Variants in ARHGAP15 observed in about 807,000 individuals in gnomAD.
The protein encoded by ARHGAP15 is rho GTPase-activating protein 15.
Under a neutral mutation model 63.7 loss-of-function variants are expected in ARHGAP15, and 51 were observed. The ratio of observed to expected loss-of-function variants is 0.80; its 90% CI spans 0.64 to 1.01. The LOEUF (loss-of-function observed/expected upper bound fraction) is 1.01, where lower values mean the gene tolerates loss of function less well. Ranked by LOEUF, ARHGAP15 falls within the 50% of genes least tolerant of loss-of-function variation. The probability of loss-of-function intolerance (pLI) is 0.00; values close to 1 mark genes in which losing one functional copy is unlikely to be tolerated. For synonymous variants in ARHGAP15, 191 were observed against 193.8 expected, an observed-to-expected ratio of 0.99 and a Z score of 0.12; for missense variants, 560 against 564.6, an observed-to-expected ratio of 0.99 and a Z score of 0.08.
At chr2:143,167,594 C>T (rs1690595905) in intron 2 of ARHGAP15, among the ~76,000 whole-genome samples, 1 of 152,110 alleles carries the variant, frequency 6.6e-6, no homozygotes, top group African/African-American at 2.4e-5. Flanking sequence ...CATCTGACTG[C>T]TTTGATGAAA....
chr2:143,679,091 T>C (rs1001535242), intron 12 of ARHGAP15, among the ~76,000 whole-genome samples: 3 of 151,984 alleles, frequency 2.0e-5, no homozygotes, highest in African/African-American at 7.3e-5. Flanking sequence ...AAGTCAATCA[T>C]AAATGCTATC....
chr2:143,587,378 A>AT (rs35758428), intron 11 of ARHGAP15, among the ~76,000 whole-genome samples: 7,369 of 152,118 alleles, frequency 0.048, 305 homozygotes, highest in Non-Finnish European at 0.069. Context: ...GAAGGGTTGT[A>AT]TTGTTAGTGT....
chr2:143,667,121 G>A (rs1375741286), intron 12 of ARHGAP15, among the ~76,000 whole-genome samples: 16 of 150,842 alleles, frequency 1.1e-4, no homozygotes, highest in Middle Eastern at 3.4e-3. Flanking sequence ...ACATGCACAC[G>A]TATGTTTATT....
intron 12 of ARHGAP15, among the ~76,000 whole-genome samples, chr2:143,633,980 T>A (rs1329040617): frequency 5.9e-5 from 9 of 152,088 alleles, no homozygotes; most frequent in Non-Finnish European, 1.5e-5. Context: ...TTCATTTTTT[T>A]CTCTACCCAA....
chr2:143,381,856 A>G (rs888949256), intron 6 of ARHGAP15, among the ~76,000 whole-genome samples: 1 of 152,122 alleles, frequency 6.6e-6, no homozygotes, highest in Non-Finnish European at 1.5e-5. Context: ...ATTTTTTAAA[A>G]AAAGCATAAA....
chr2:143,247,113 A>T (rs879498199), intron 5 of ARHGAP15, among the ~76,000 whole-genome samples: 2 of 152,182 alleles, frequency 1.3e-5, no homozygotes, highest in Non-Finnish European at 2.9e-5. Context: ...TAACCTGGAG[A>T]TTCGTTCCTT....
At chr2:143,386,431 C>T (rs1219937810) in intron 6 of ARHGAP15, among the ~76,000 whole-genome samples, 7 of 152,028 alleles carry the variant, frequency 4.6e-5, no homozygotes, top group Non-Finnish European at 1.0e-4. Flanking sequence ...AACGAGAAAG[C>T]ACAACTTGTC....
At chr2:143,374,809 A>G (rs994987460) in intron 6 of ARHGAP15, among the ~76,000 whole-genome samples, 7 of 151,998 alleles carry the variant, frequency 4.6e-5, no homozygotes, top group African/African-American at 1.7e-4. Context: ...GGCCATAGGT[A>G]CTTCTGGAAA....
At chr2:143,507,564 A>C (rs1486377957) in intron 9 of ARHGAP15, among the ~76,000 whole-genome samples, 1 of 152,220 alleles carries the variant, frequency 6.6e-6, no homozygotes, top group Non-Finnish European at 1.5e-5. Context: ...TTAAACATTC[A>C]GAGTTGAAAT....
At chr2:143,257,701 G>A (rs185093020) in intron 6 of ARHGAP15, among the ~76,000 whole-genome samples, 12 of 152,164 alleles carry the variant, frequency 7.9e-5, no homozygotes, top group Non-Finnish European at 8.8e-5. Flanking sequence ...GGCTTGCAAC[G>A]CACTTTCTCT....
chr2:143,310,791 G>A (rs920876534), intron 6 of ARHGAP15, among the ~76,000 whole-genome samples: 3 of 151,888 alleles, frequency 2.0e-5, no homozygotes, highest in African/African-American at 7.2e-5. Flanking sequence ...AAACTTTGAT[G>A]TACTGTATAA....
chr2:143,231,706 A>G (rs555307880), intron 5 of ARHGAP15, among the ~76,000 whole-genome samples: 5 of 152,322 alleles, frequency 3.3e-5, no homozygotes, highest in African/African-American at 9.6e-5. Flanking sequence ...CAAAGTACCA[A>G]TGGCTGGGTG....
At chr2:143,345,838 T>C (rs1685248322) in intron 6 of ARHGAP15, among the ~76,000 whole-genome samples, 1 of 152,148 alleles carries the variant, frequency 6.6e-6, no homozygotes, top group Non-Finnish European at 1.5e-5. Context: ...CATATTATCT[T>C]GTGTTGCTGC....
chr2:143,263,077 C>G (rs1558851481), intron 6 of ARHGAP15, among the ~76,000 whole-genome samples: 1 of 152,016 alleles, frequency 6.6e-6, no homozygotes, highest in Admixed American at 6.6e-5. Flanking sequence ...ATTGAACCCC[C>G]AAAAAACAGG....
intron 11 of ARHGAP15, among the ~76,000 whole-genome samples, chr2:143,588,234 T>C (rs1037908064): frequency 1.7e-4 from 26 of 152,190 alleles, no homozygotes; most frequent in African/African-American, 6.3e-4. Context: ...GCCATCTCAG[T>C]TGCTCTAAGT....
In ARHGAP15 at chr2:143,768,081, G is replaced by A; in HGVS notation, c.1337G>A (p.Gly446Glu). Residue 446 changes from glycine to glutamate, a missense_variant, in exon 14 of 14, where the codon GGA becomes GAA. Transcript: ENST00000295095. Reference sequence around the variant, plus strand: ...CTTCTGCGAGCTGAAAATGAAACAGGAAACATGGCGATCCACATGGTCTAC... The same window carrying A: ...CTTCTGCGAGCTGAAAATGAAACAGAAAACATGGCGATCCACATGGTCTAC... Reference protein sequence around the residue: ...PTLLRAENETGNMAIHMVYQN... With the variant: ...PTLLRAENETENMAIHMVYQN... 1 of 1,613,762 alleles carries A rather than the reference G, an allele frequency of 6.2e-7. No homozygotes were observed. Among genetic ancestry groups the A allele is most frequent in the Non-Finnish European group, 8.5e-7 (1 of 1,179,774 alleles).
chr2:143,628,541 TC>T (rs1318092665), intron 12 of ARHGAP15, among the ~76,000 whole-genome samples: 1 of 152,204 alleles, frequency 6.6e-6, no homozygotes, highest in African/African-American at 2.4e-5. Flanking sequence ...CCCATCTGCC[TC>T]AGGTAGCTTT....
intron 6 of ARHGAP15, among the ~76,000 whole-genome samples, chr2:143,364,836 T>C (rs1164172165): frequency 1.3e-5 from 2 of 152,130 alleles, no homozygotes; most frequent in Non-Finnish European, 2.9e-5. Context: ...CAGAAAACCC[T>C]GTCTCTTAAA....
rs557029992 is a variant in ARHGAP15 at position 143,245,680 on chromosome 2, G to C, written c.385-4831G>C. On this transcript the variant is annotated intron_variant, in intron 5 of 13. Transcript: ENST00000295095. ...AGAGGCTGAAGGACACAATCTATTT[G>C]AGGGGGAGAAAGTAGAACGAAATGT... 3.9e-5 allele frequency among the ~76,000 whole-genome samples: 6 copies of C among 151,934 alleles called. No homozygotes were observed. In the East Asian group the frequency reaches 1.2e-3, roughly 29 times the overall value.
Sources: gnomAD v4.1 joint callset for allele counts (sites outside exome capture counted in the v4.1 genomes callset) on GRCh38, gnomAD v4.1.1 for gene constraint, MANE v1.5 for transcripts, NCBI Gene and HGNC (gene_info 2026-07-23, HGNC 2026-07-21) for gene names.